Variants in DAB1 observed in about 807,000 individuals in gnomAD.
The protein encoded by DAB1 is disabled homolog 1.
DAB1 carries 15 observed loss-of-function variants against 64.6 expected under a neutral mutation model. The ratio of observed to expected loss-of-function variants is 0.23; its 90% confidence interval spans 0.16 to 0.36. DAB1 has a LOEUF of 0.36. Ranked by LOEUF, DAB1 falls within the 10% of genes least tolerant of loss-of-function variation. The probability of loss-of-function intolerance (pLI) is 1.00; values close to 1 mark genes in which losing one functional copy is unlikely to be tolerated. For missense variants in DAB1, 596 were observed against 706.7 expected, an observed-to-expected ratio of 0.84 and a Z score of 1.78; for synonymous variants, 235 against 251.9, an observed-to-expected ratio of 0.93 and a Z score of 0.64.
intron 2 of DAB1, among the ~76,000 whole-genome samples, chr1:57,175,831 C>T (rs538375422): frequency 9.5e-4 from 145 of 152,250 alleles, no homozygotes; most frequent in African/African-American, 3.3e-3. Flanking sequence ...AAAATGGCAG[C>T]CCCAGTAAAG....
At chr1:58,011,208 A>T (rs1222579755) in intron 5 of DAB1, among the ~76,000 whole-genome samples, 1 of 152,200 alleles carries the variant, frequency 6.6e-6, no homozygotes, top group African/African-American at 2.4e-5. Context: ...ATGTAAATGT[A>T]AAAGGAATGA....
At chr1:58,497,963 C>T (rs1645832739) in intron 3 of DAB1, among the ~76,000 whole-genome samples, 1 of 152,154 alleles carries the variant, frequency 6.6e-6, no homozygotes. Flanking sequence ...CCATTTCCCT[C>T]TTGTTAATCT....
chr1:57,773,607 A>G (rs1426362725), intron 6 of DAB1, among the ~76,000 whole-genome samples: 1 of 151,988 alleles, frequency 6.6e-6, no homozygotes, highest in African/African-American at 2.4e-5. Flanking sequence ...ATTTGATTAT[A>G]TATTTTCTTC....
chr1:58,040,733 T>C (rs1203310251), intron 5 of DAB1, among the ~76,000 whole-genome samples: 1 of 152,174 alleles, frequency 6.6e-6, no homozygotes, highest in Non-Finnish European at 1.5e-5. Context: ...GAAACTGCAG[T>C]CTAATGTCAA....
chr1:57,303,672 C>CAA (rs149398650), intron 1 of DAB1, among the ~76,000 whole-genome samples: 3,015 of 148,758 alleles, frequency 0.02, 55 homozygotes, highest in African/African-American at 0.062. Flanking sequence ...AACAAACAAA[C>CAA]AAAAAAAAAC....
At chr1:58,522,306 A>G (rs953952382) in intron 2 of DAB1, among the ~76,000 whole-genome samples, 3 of 152,170 alleles carry the variant, frequency 2.0e-5, no homozygotes, top group Admixed American at 6.5e-5. Flanking sequence ...CTGCACATGT[A>G]CCCTGGAACT....
chr1:57,304,797 T>G (rs1673994550), intron 1 of DAB1, among the ~76,000 whole-genome samples: 1 of 152,216 alleles, frequency 6.6e-6, no homozygotes, highest in African/African-American at 2.4e-5. Flanking sequence ...TAATCCATAC[T>G]TCTCAAAATG....
intron 1 of DAB1, among the ~76,000 whole-genome samples, chr1:57,362,719 G>T (rs1357875544): frequency 6.6e-6 from 1 of 152,082 alleles, no homozygotes; most frequent in Non-Finnish European, 1.5e-5. Context: ...GTCAGCACCT[G>T]GATCCTGGAC....
At position 57,553,438 on chromosome 1, in the gene DAB1, G is replaced by GAAAT. The variant is rs1309784106; in HGVS notation, n.625+96153_625+96154insATTT. Among the ~76,000 whole-genome samples the GAAAT allele has an allele frequency of 2.1e-4, 3 of 14,146 alleles. No individual in the cohort carries two copies. In the Non-Finnish European group the frequency reaches 2.2e-3, roughly 11 times the overall value. The allele number at this position is 14,146 out of a possible 152,430, so 9.3% of individuals were successfully genotyped here. A position where few individuals can be genotyped will look rare whatever the true frequency, so the allele number is the denominator to read the frequency against. ...AGAAAGAAAGAAAGAAAGAAAGAAA[G>GAAAT]AAAGAGAAAGAAAGAAAGAAAGAGA... On this transcript the variant is annotated intron_variant and non_coding_transcript_variant, in intron 7 of 20. Transcript: ENST00000485760.
At chr1:57,562,115 G>A (rs1336887251) in intron 7 of DAB1, among the ~76,000 whole-genome samples, 1 of 152,218 alleles carries the variant, frequency 6.6e-6, no homozygotes, top group African/African-American at 2.4e-5. Flanking sequence ...GCTCACGCCT[G>A]TAATCCCAAC....
chr1:57,989,256 C>T (rs995405624), intron 5 of DAB1, among the ~76,000 whole-genome samples: 9 of 152,136 alleles, frequency 5.9e-5, no homozygotes, highest in African/African-American at 1.9e-4. Context: ...CCCCTCCTCT[C>T]GCTAGAGCCC....
At chr1:57,521,783 G>C (rs12067490) in intron 7 of DAB1, among the ~76,000 whole-genome samples, 10,632 of 152,172 alleles carry the variant, frequency 0.07, 1,160 homozygotes, top group African/African-American at 0.23. Flanking sequence ...GAAGCTGAAC[G>C]CTGATTGCCT....
chr1:57,411,567 G>A (rs937013475), intron 1 of DAB1, among the ~76,000 whole-genome samples: 1 of 152,204 alleles, frequency 6.6e-6, no homozygotes, highest in African/African-American at 2.4e-5. Context: ...AACCAGAAGA[G>A]AACTGTACCC....
chr1:58,512,260 G>A (rs543539943), intron 2 of DAB1, among the ~76,000 whole-genome samples: 37 of 152,108 alleles, frequency 2.4e-4, no homozygotes, highest in Non-Finnish European at 4.7e-4. Context: ...CTAAGTGTTG[G>A]CAAGGATGTG....
At chr1:57,605,600 T>G (rs1175556767) in intron 7 of DAB1, among the ~76,000 whole-genome samples, 3 of 152,212 alleles carry the variant, frequency 2.0e-5, no homozygotes, top group Admixed American at 6.5e-5. Flanking sequence ...CTTCTTGCCA[T>G]GGACTGTGTT....
intron 5 of DAB1, among the ~76,000 whole-genome samples, chr1:58,009,045 A>G (rs1404961338): frequency 1.3e-5 from 2 of 152,174 alleles, no homozygotes; most frequent in African/African-American, 2.4e-5. Flanking sequence ...TTATTTATCC[A>G]CACATATTCC....
intron 6 of DAB1, among the ~76,000 whole-genome samples, chr1:57,755,030 A>C (rs1569582358): frequency 6.6e-6 from 1 of 152,236 alleles, no homozygotes; most frequent in African/African-American, 2.4e-5. Context: ...GCAAGTAAAA[A>C]GGTAATCAAA....
intron 7 of DAB1, among the ~76,000 whole-genome samples, chr1:57,569,874 G>C (rs373505737): frequency 6.6e-4 from 101 of 152,254 alleles, no homozygotes; most frequent in Non-Finnish European, 1.2e-3. Context: ...GTTGGGGATT[G>C]GTGCATTTCC....
chr1:57,768,911 T>C (rs1451052126), intron 6 of DAB1, among the ~76,000 whole-genome samples: 1 of 152,128 alleles, frequency 6.6e-6, no homozygotes, highest in African/African-American at 2.4e-5. Flanking sequence ...TCATTAGATA[T>C]TTCTCTTTTC....
Sources: gnomAD v4.1 joint callset for allele counts (sites outside exome capture counted in the v4.1 genomes callset) on GRCh38, gnomAD v4.1.1 for gene constraint, MANE v1.5 for transcripts, NCBI Gene and HGNC (gene_info 2026-07-23, HGNC 2026-07-21) for gene names.